Variants in HCN1 observed in about 807,000 individuals in gnomAD.
The protein encoded by HCN1 is potassium/sodium hyperpolarization-activated cyclic nucleotide-gated channel 1.
Under a neutral mutation model 78.9 loss-of-function variants are expected in HCN1, and 13 were observed. That is an observed-to-expected ratio of 0.16 (90% CI 0.11 to 0.26). The LOEUF (loss-of-function observed/expected upper bound fraction) is 0.26, where lower values mean the gene tolerates loss of function less well. Ranked by LOEUF, HCN1 falls within the 10% of genes least tolerant of loss-of-function variation. The probability of loss-of-function intolerance (pLI) is 1.00; values close to 1 mark genes in which losing one functional copy is unlikely to be tolerated. For missense variants in HCN1, 810 were observed against 1,154.3 expected (o/e 0.70, Z 4.32); for synonymous variants, 552 against 455.5 (o/e 1.21, Z -2.70).
At chr5:45,407,718 A>G (rs1362864129) in intron 3 of HCN1, among the ~76,000 whole-genome samples, 1 of 151,820 alleles carries the variant, frequency 6.6e-6, no homozygotes, top group Non-Finnish European at 1.5e-5. Context: ...ATGGTGTTTT[A>G]CCACTGGTCT....
chr5:45,436,250 C>T (rs1385432117), intron 3 of HCN1, among the ~76,000 whole-genome samples: 1 of 152,124 alleles, frequency 6.6e-6, no homozygotes. Context: ...TAGGGTTTGT[C>T]CAATCAGCTT....
At chr5:45,342,395 A>ATTTT (rs34854398) in intron 5 of HCN1, among the ~76,000 whole-genome samples, 7 of 137,154 alleles carry the variant, frequency 5.1e-5, no homozygotes, top group African/African-American at 1.9e-4. Flanking sequence ...ACACCTGGCT[A>ATTTT]TTTTTTTTTT....
intron 3 of HCN1, among the ~76,000 whole-genome samples, chr5:45,441,465 T>C (rs987926509): frequency 6.6e-6 from 1 of 152,140 alleles, no homozygotes; most frequent in Non-Finnish European, 1.5e-5. Flanking sequence ...ATTTAATACA[T>C]CCTAATCTCA....
chr5:45,274,459 G>A (rs779288922), intron 6 of HCN1, among the ~76,000 whole-genome samples: 10 of 152,146 alleles, frequency 6.6e-5, no homozygotes, highest in Non-Finnish European at 1.3e-4. Context: ...TGACAAAGCT[G>A]TTATGTGGTT....
At chr5:45,413,128 G>C (rs1267941839) in intron 3 of HCN1, among the ~76,000 whole-genome samples, 1 of 151,904 alleles carries the variant, frequency 6.6e-6, no homozygotes, top group Non-Finnish European at 1.5e-5. Context: ...CAAAAAATAA[G>C]ATGCGTACAA....
At chr5:45,376,361 G>T (rs1382413716) in intron 4 of HCN1, among the ~76,000 whole-genome samples, 1 of 15,330 alleles carries the variant, frequency 6.5e-5, no homozygotes, top group Non-Finnish European at 1.6e-4. Flanking sequence ...GAGAGAGAGA[G>T]AGAGAGAGAG....
chr5:45,628,205 A>G (rs1043652851), intron 2 of HCN1, among the ~76,000 whole-genome samples: 4 of 152,154 alleles, frequency 2.6e-5, no homozygotes, highest in Non-Finnish European at 5.9e-5. Flanking sequence ...TGGTCCTCTC[A>G]AGGTAGAGAG....
chr5:45,604,695 T>C (rs926105607), intron 2 of HCN1, among the ~76,000 whole-genome samples: 1 of 151,908 alleles, frequency 6.6e-6, no homozygotes, highest in Non-Finnish European at 1.5e-5. Context: ...AAAATGTAAA[T>C]AGACAACTTT....
At chr5:45,305,314 G>A (rs1165630734) in intron 5 of HCN1, among the ~76,000 whole-genome samples, 1 of 152,144 alleles carries the variant, frequency 6.6e-6, no homozygotes, top group East Asian at 1.9e-4. Flanking sequence ...ACAACATTTT[G>A]AATCTATCTT....
intron 2 of HCN1, among the ~76,000 whole-genome samples, chr5:45,614,693 T>C (rs1327247209): frequency 1.3e-5 from 2 of 152,068 alleles, no homozygotes; most frequent in Non-Finnish European, 2.9e-5. Flanking sequence ...CCTTAAATCG[T>C]TTTAATACTA....
At chr5:45,436,555 A>G (rs1225172059) in intron 3 of HCN1, among the ~76,000 whole-genome samples, 1 of 152,240 alleles carries the variant, frequency 6.6e-6, no homozygotes, top group African/African-American at 2.4e-5. Flanking sequence ...TGAACTAAGA[A>G]GAACTCCAAA....
intron 1 of HCN1, among the ~76,000 whole-genome samples, chr5:45,655,734 T>C (rs896359206): frequency 6.6e-6 from 1 of 152,134 alleles, no homozygotes; most frequent in Non-Finnish European, 1.5e-5. Context: ...AGCTCCCTTG[T>C]CCTTATGCCC....
At chr5:45,470,690 A>C (rs531078880) in intron 2 of HCN1, among the ~76,000 whole-genome samples, 36 of 152,086 alleles carry the variant, frequency 2.4e-4, no homozygotes, top group African/African-American at 7.9e-4. Context: ...AAAAGTAATA[A>C]GCCTTATTTG....
intron 1 of HCN1, among the ~76,000 whole-genome samples, chr5:45,658,085 A>G (rs567622042): frequency 1.6e-4 from 25 of 152,312 alleles, no homozygotes; most frequent in Non-Finnish European, 2.9e-4. Flanking sequence ...ATAACGCCGC[A>G]TATCTACAAC....
At chr5:45,439,935 T>C (rs1461938418) in intron 3 of HCN1, among the ~76,000 whole-genome samples, 1 of 148,818 alleles carries the variant, frequency 6.7e-6, no homozygotes. Context: ...TCATATTGTA[T>C]GTAATTATAA....
rs1477158420 is a variant in HCN1 at position 45,375,724 on chromosome 5, C to A, written c.1230+20768G>T. 5.0e-4 allele frequency among the ~76,000 whole-genome samples: 54 copies of A among 108,348 alleles called. 4 individuals are homozygous for A. Among genetic ancestry groups the A allele is most frequent in the African/African-American group, 1.4e-3 (34 of 23,832 alleles). The allele number at this position is 108,348 out of a possible 152,430, so 71.1% of individuals were successfully genotyped here. A position where few individuals can be genotyped will look rare whatever the true frequency, so the allele number is the denominator to read the frequency against. On this transcript the variant is annotated intron_variant, in intron 4 of 7. Transcript: ENST00000303230. The stretch of plus-strand genomic sequence containing the variant: ...TTATGATACATATTATATATAATAT[C>A]ATATTTTATGATATATCTTATATAT...
intron 2 of HCN1, among the ~76,000 whole-genome samples, chr5:45,512,969 G>A (rs1742443051): frequency 6.6e-6 from 1 of 151,958 alleles, no homozygotes; most frequent in South Asian, 2.1e-4. Flanking sequence ...GCCAGAGCCC[G>A]ACTTTAAAAA....
chr5:45,294,712 C>T (rs915700189), intron 6 of HCN1, among the ~76,000 whole-genome samples: 1 of 151,920 alleles, frequency 6.6e-6, no homozygotes, highest in Admixed American at 6.6e-5. Context: ...AGTATGATTA[C>T]CTTAATAGCA....
At chr5:45,375,898 A>T (rs1415855037) in intron 4 of HCN1, among the ~76,000 whole-genome samples, 1 of 122,518 alleles carries the variant, frequency 8.2e-6, no homozygotes, top group Non-Finnish European at 1.6e-5. Flanking sequence ...ATTATATATG[A>T]TATAATATTT....
Sources: gnomAD v4.1 joint callset for allele counts (sites outside exome capture counted in the v4.1 genomes callset) on GRCh38, gnomAD v4.1.1 for gene constraint, MANE v1.5 for transcripts, NCBI Gene and HGNC (gene_info 2026-07-23, HGNC 2026-07-21) for gene names.